The following DENND1A variants were observed in gnomAD, a reference collection of about 807,000 sequenced individuals.
DENND1A encodes the protein DENN domain containing 1A.
A neutral mutation model predicts 113.7 loss-of-function variants in DENND1A; 51 were observed. The observed-to-expected ratio is 0.45, with a 90% CI of 0.36 to 0.57. The LOEUF is 0.57. Ranked by LOEUF, DENND1A falls within the 20% of genes least tolerant of loss-of-function variation. The pLI, the probability that DENND1A is intolerant of heterozygous loss-of-function variation, is 0.00. For synonymous variants in DENND1A, 565 were observed against 570.8 expected, an observed-to-expected ratio of 0.99 and a Z score of 0.14; for missense variants, 1,258 against 1,395.9, an observed-to-expected ratio of 0.90 and a Z score of 1.57.
intron 12 of DENND1A, among the ~76,000 whole-genome samples, chr9:123,562,876 G>C (rs977074972): frequency 1.3e-5 from 2 of 152,106 alleles, no homozygotes; most frequent in South Asian, 4.1e-4. Flanking sequence ...TTTCCTGATG[G>C]ACTGAGTTCC....
At chr9:123,508,636 G>T (rs1021648157) in intron 13 of DENND1A, among the ~76,000 whole-genome samples, 3 of 152,208 alleles carry the variant, frequency 2.0e-5, no homozygotes, top group African/African-American at 7.2e-5. Flanking sequence ...TGTTTTAAAA[G>T]TTATTCTCTT....
chr9:123,478,597 C>T (rs570620143), intron 13 of DENND1A, among the ~76,000 whole-genome samples: 4 of 152,264 alleles, frequency 2.6e-5, no homozygotes, highest in Middle Eastern at 3.4e-3. Context: ...GAATGGTTTA[C>T]GGTAAAGTGT....
At chr9:123,907,340 T>C (rs572800149) in intron 1 of DENND1A, among the ~76,000 whole-genome samples, 281 of 151,382 alleles carry the variant, frequency 1.9e-3, no homozygotes, top group African/African-American at 6.5e-3. Flanking sequence ...TTCAACATAG[T>C]GTTGGAAGTT....
chr9:123,406,716 G>C lies in DENND1A; in HGVS notation c.1543-3226C>G, dbSNP rs117961753. On this transcript the variant is annotated intron_variant, in intron 20 of 23. Coordinates refer to ENST00000394215, the MANE Select transcript of DENND1A (RefSeq NM_001352964.2). ...TTCTGACTCTGCACTGGTTTCCCCA[G>C]CTCTGGCAGCTGGTCAACAGGGTCA... 4.3e-4 allele frequency among the ~76,000 whole-genome samples: 66 copies of C among 152,284 alleles called. No individual in the cohort carries two copies. In the East Asian group the frequency reaches 0.011, roughly 26 times the overall value.
intron 13 of DENND1A, among the ~76,000 whole-genome samples, chr9:123,471,793 C>T (rs963134319): frequency 6.6e-6 from 1 of 152,240 alleles, no homozygotes; most frequent in Non-Finnish European, 1.5e-5. Context: ...ACGACACCCC[C>T]GAGCTCTGAG....
chr9:123,730,030 T>C (rs561114129), intron 5 of DENND1A, among the ~76,000 whole-genome samples: 3 of 152,294 alleles, frequency 2.0e-5, no homozygotes, highest in Admixed American at 6.5e-5. Flanking sequence ...ATTTAATAAA[T>C]GGTGTTGTGA....
intron 13 of DENND1A, among the ~76,000 whole-genome samples, chr9:123,544,715 C>T (rs1280460701): frequency 6.6e-6 from 1 of 152,226 alleles, no homozygotes; most frequent in South Asian, 2.1e-4. Context: ...ATAACAAATG[C>T]TGTTCTTTTC....
intron 2 of DENND1A, among the ~76,000 whole-genome samples, chr9:123,876,508 T>C (rs925818693): frequency 3.0e-4 from 46 of 152,308 alleles, no homozygotes; most frequent in African/African-American, 1.0e-3. Flanking sequence ...GGTCATAATG[T>C]CTGCAACTCA....
intron 5 of DENND1A, among the ~76,000 whole-genome samples, chr9:123,724,957 A>G (rs1449277542): frequency 6.6e-6 from 1 of 152,228 alleles, no homozygotes; most frequent in Non-Finnish European, 1.5e-5. Context: ...TACCATTTCA[A>G]TCTGGCTCAA....
intron 12 of DENND1A, among the ~76,000 whole-genome samples, chr9:123,564,697 G>C (rs1326848090): frequency 6.6e-6 from 1 of 152,226 alleles, no homozygotes; most frequent in African/African-American, 2.4e-5. Flanking sequence ...TTGAAATGTG[G>C]CTGGTGTGAC....
intron 3 of DENND1A, 91 bp downstream of exon 3, chr9:123,792,496 T>C: frequency 1.5e-6 from 2 of 1,355,512 alleles, no homozygotes; most frequent in South Asian, 1.4e-5. Context: ...AAAAATTCAT[T>C]TATCTCTTTC....
intron 13 of DENND1A, among the ~76,000 whole-genome samples, chr9:123,488,943 A>G (rs957511000): frequency 3.9e-5 from 6 of 152,202 alleles, no homozygotes; most frequent in African/African-American, 9.6e-5. Context: ...GGAGGTCTGC[A>G]AATGCTCCCC....
At chr9:123,538,805 CATACATATATATATATATAT>C (rs1250290216) in intron 13 of DENND1A, among the ~76,000 whole-genome samples, 1,227 of 50,050 alleles carry the variant, frequency 0.025, 82 homozygotes, top group Admixed American at 0.078. Context: ...GGTGACAACT[CATACATATATATATATATAT>C]ATATATATAT....
chr9:123,666,871 C>T (rs2063516628), intron 8 of DENND1A, among the ~76,000 whole-genome samples, 155 bp downstream of exon 8: 1 of 152,090 alleles, frequency 6.6e-6, no homozygotes, highest in African/African-American at 2.4e-5. Context: ...TTATAATACA[C>T]TTCAGTTCTT....
intron 13 of DENND1A, among the ~76,000 whole-genome samples, chr9:123,479,810 C>T (rs1168604535): frequency 6.6e-6 from 1 of 152,238 alleles, no homozygotes; most frequent in Admixed American, 6.5e-5. Flanking sequence ...GGTGGTATTA[C>T]ACATTGGGAG....
chr9:123,852,970 A>G (rs1413202819), intron 2 of DENND1A, among the ~76,000 whole-genome samples: 2 of 151,802 alleles, frequency 1.3e-5, no homozygotes, highest in Non-Finnish European at 2.9e-5. Flanking sequence ...CCAGGCTAGA[A>G]TGCAGTGGCA....
chr9:123,873,641 T>C (rs1422731302), intron 2 of DENND1A, among the ~76,000 whole-genome samples: 2 of 152,342 alleles, frequency 1.3e-5, no homozygotes, highest in East Asian at 1.9e-4. Flanking sequence ...AAATCACCGA[T>C]GAGGAATCAA....
intron 22 of DENND1A, 150 bp from the exon 23 acceptor site, chr9:123,384,063 G>C: frequency 9.1e-7 from 1 of 1,097,174 alleles, no homozygotes; most frequent in Non-Finnish European, 1.3e-6. Flanking sequence ...GAGGGCAGGA[G>C]TCTGGGAGGC....
intron 2 of DENND1A, among the ~76,000 whole-genome samples, chr9:123,832,063 A>G (rs1840309624): frequency 6.6e-6 from 1 of 152,258 alleles, no homozygotes. Context: ...TTGTACACAT[A>G]TATCAAAACA....
Sources: allele counts gnomAD v4.1 joint callset (sites outside exome capture counted in the v4.1 genomes callset), GRCh38; gene constraint gnomAD v4.1.1; transcripts MANE v1.5; gene names NCBI Gene and HGNC (gene_info 2026-07-23, HGNC 2026-07-21).